The following ACSL6 variants were observed in gnomAD, a reference collection of about 807,000 sequenced individuals.
ACSL6 encodes the protein acyl-CoA synthetase long chain family member 6.
A neutral mutation model predicts 98.2 loss-of-function variants in ACSL6; 47 were observed. That is an observed-to-expected ratio of 0.48 (90% CI 0.38 to 0.61). The LOEUF (loss-of-function observed/expected upper bound fraction) is 0.61. Among genes scored for constraint, ACSL6 ranks in the 20% least tolerant of loss-of-function variants. The pLI is 0.00. For missense variants in ACSL6, 761 were observed against 913.4 expected (o/e 0.83, Z 2.15); for synonymous variants, 362 against 336.9 (o/e 1.07, Z -0.82).
chr5:131,999,914 A>C (rs920489974), intron 1 of ACSL6, among the ~76,000 whole-genome samples: 4 of 152,124 alleles, frequency 2.6e-5, no homozygotes, highest in African/African-American at 9.7e-5. Flanking sequence ...TTTCTTAAGA[A>C]CAAAGTCTCC....
intron 17 of ACSL6, 45 bp downstream of exon 17, chr5:131,966,371 C>T: frequency 3.2e-6 from 5 of 1,587,070 alleles, no homozygotes; most frequent in Admixed American, 1.7e-5. Flanking sequence ...CACACACCCT[C>T]CCACTGCCAA....
intron 1 of ACSL6, chr5:132,006,860 C>A (rs911604456): frequency 6.6e-6 from 1 of 152,240 alleles, no homozygotes; most frequent in African/African-American, 2.4e-5. Flanking sequence ...GCCCTGCCTG[C>A]AAGGAGTTTA....
intron 3 of ACSL6, among the ~76,000 whole-genome samples, chr5:131,990,416 A>G (rs1183431333): frequency 6.6e-6 from 1 of 152,214 alleles, no homozygotes; most frequent in East Asian, 1.9e-4. Flanking sequence ...CCTAGTCCCC[A>G]TCATAATTTG....
chr5:131,977,827 G>C (rs1358160942), intron 9 of ACSL6, among the ~76,000 whole-genome samples: 1 of 152,084 alleles, frequency 6.6e-6, no homozygotes, highest in African/African-American at 2.4e-5. Flanking sequence ...AAATGGAGTT[G>C]ATTTTATGCT....
rs1355589300 is a variant in ACSL6 at position 131,952,388 on chromosome 5, A to G, written c.*1846T>C. Reference sequence around the variant, plus strand: ...GTGATTCACTTTTGACAAGACTGAAATATAAGTATATAATCACTGATGCAT... The same window carrying G: ...GTGATTCACTTTTGACAAGACTGAAGTATAAGTATATAATCACTGATGCAT... On this transcript the variant is annotated 3_prime_UTR_variant, in exon 21 of 21. Transcript: ENST00000651883. 1 of 206,370 alleles carries G rather than the reference A, an allele frequency of 4.8e-6. No individual in the cohort carries two copies. Among genetic ancestry groups the G allele is most frequent in the Non-Finnish European group, 9.9e-6 (1 of 101,112 alleles). The allele number at this position is 206,370 out of a possible 1,614,324, so 12.8% of individuals were successfully genotyped here. A position where few individuals can be genotyped will look rare whatever the true frequency, so the allele number is the denominator to read the frequency against.
chr5:131,962,959 A>G (rs1350258478), intron 17 of ACSL6, among the ~76,000 whole-genome samples: 1 of 151,764 alleles, frequency 6.6e-6, no homozygotes, highest in African/African-American at 2.4e-5. Context: ...TGCCACCCTC[A>G]TGCCTAGCAG....
intron 1 of ACSL6, among the ~76,000 whole-genome samples, chr5:131,998,237 G>A (rs1451951262): frequency 6.6e-6 from 1 of 152,190 alleles, no homozygotes; most frequent in Non-Finnish European, 1.5e-5. Flanking sequence ...AGTGGTGCTG[G>A]TGTTGCCAGG....
At chr5:132,011,731 A>AGGGGGAGG (rs1755749056), upstream of ACSL6, 1 of 1,300,502 alleles carries the variant, frequency 7.7e-7, no homozygotes, top group Non-Finnish European at 9.8e-7. This position sits in a 1 kb window ranked among gnomAD's most constrained non-coding sequence, Gnocchi z 5.4. Context: ...AGACGGCTCA[A>AGGGGGAGG]GGGGGAGGGC....
intron 11 of ACSL6, among the ~76,000 whole-genome samples, chr5:131,974,366 T>C (rs1448953456): frequency 6.6e-6 from 1 of 152,252 alleles, no homozygotes; most frequent in African/African-American, 2.4e-5. Flanking sequence ...TCCCCAACTT[T>C]ACTCTTTTGT....
intron 11 of ACSL6, chr5:131,974,667 G>C: frequency 1.4e-6 from 2 of 1,423,644 alleles, no homozygotes; most frequent in South Asian, 2.5e-5. Context: ...AGGGCAGTTT[G>C]GTCCTACTTC....
At chr5:132,007,093 G>A (rs1181275033) in intron 1 of ACSL6, 3 of 151,744 alleles carry the variant, frequency 2.0e-5, no homozygotes, top group Admixed American at 6.6e-5. Context: ...TCTGGGTTGG[G>A]GACATAGACA....
chr5:132,010,901 A>T (rs561747915), intron 1 of ACSL6, among the ~76,000 whole-genome samples: 114 of 152,268 alleles, frequency 7.5e-4, no homozygotes, highest in African/African-American at 2.6e-3. Context: ...GCAGTGGTGA[A>T]GCTGACTCCT....
chr5:131,975,002 A>G, intron 10 of ACSL6, 32 bp from the exon 11 acceptor site: 6 of 1,608,764 alleles, frequency 3.7e-6, no homozygotes, highest in Non-Finnish European at 4.2e-6. Flanking sequence ...GACAGAAAGG[A>G]AAGAAACACT....
chr5:131,951,312 C>T lies in ACSL6; in HGVS notation c.*2922G>A, dbSNP rs1185829013. On this transcript the variant is annotated 3_prime_UTR_variant, in exon 21 of 21. Transcript: ENST00000651883. ...GTTAATGAGAAATACAGATTTTTTT[C>T]TCCTCCAGAATAAAGTTGGGAAATC... The T allele has an allele frequency of 9.8e-6, 2 of 204,390 alleles. No individual in the cohort carries two copies. Among genetic ancestry groups the T allele is most frequent in the African/African-American group, 4.6e-5 (2 of 43,694 alleles). 12.7% of individuals were successfully genotyped at this position (204,390 alleles called of 1,614,324 possible). A position where few individuals can be genotyped will look rare whatever the true frequency, so the allele number is the denominator to read the frequency against.
intron 13 of ACSL6, 73 bp downstream of exon 13, chr5:131,972,651 T>C (rs1753374499): frequency 6.4e-7 from 1 of 1,553,228 alleles, no homozygotes; most frequent in Non-Finnish European, 8.8e-7. Flanking sequence ...GGGATGAACT[T>C]CTCCAGTTCT....
chr5:131,969,040 T>A (rs1213131649), intron 15 of ACSL6, among the ~76,000 whole-genome samples: 1 of 152,222 alleles, frequency 6.6e-6, no homozygotes, highest in Non-Finnish European at 1.5e-5. Flanking sequence ...GAATCTGCTC[T>A]ACATCTGATG....
chr5:131,972,414 C>T (rs1753360092), intron 13 of ACSL6, among the ~76,000 whole-genome samples: 1 of 152,114 alleles, frequency 6.6e-6, no homozygotes, highest in African/African-American at 2.4e-5. Flanking sequence ...AACTTCAGGG[C>T]CCAGGAGCTT....
chr5:131,966,603 G>T, intron 16 of ACSL6, 71 bp from the exon 17 acceptor site: 1 of 1,360,674 alleles, frequency 7.3e-7, no homozygotes, highest in Non-Finnish European at 1.1e-6. Flanking sequence ...CTGTCACCAG[G>T]CATACGGAGA....
At chr5:131,996,514 G>T (rs1048301296) in intron 1 of ACSL6, among the ~76,000 whole-genome samples, 2 of 152,186 alleles carry the variant, frequency 1.3e-5, no homozygotes, top group African/African-American at 4.8e-5. Flanking sequence ...CTGACTTAAT[G>T]ATATGAGAAG....
Sources: allele counts gnomAD v4.1 joint callset (sites outside exome capture counted in the v4.1 genomes callset), GRCh38; gene constraint gnomAD v4.1.1; non-coding constraint Gnocchi (gnomAD v3.1); transcripts MANE v1.5; gene names NCBI Gene and HGNC (gene_info 2026-07-23, HGNC 2026-07-21).